Variants in CDH11 observed in about 807,000 individuals in gnomAD.
CDH11 encodes cadherin-11.
A neutral mutation model predicts 67.8 loss-of-function variants in CDH11; 11 were observed. The observed-to-expected ratio is 0.16, with a 90% CI of 0.10 to 0.27. The LOEUF is 0.27. Among genes scored for constraint, CDH11 ranks in the 10% least tolerant of loss-of-function variants. The pLI, the probability that CDH11 is intolerant of heterozygous loss-of-function variation, is 1.00. For missense variants in CDH11, 847 were observed against 1,031.2 expected, an observed-to-expected ratio of 0.82 and a Z score of 2.45; for synonymous variants, 419 against 400.0, an observed-to-expected ratio of 1.05 and a Z score of -0.57.
At chr16:65,060,731 G>A (rs1187765149) in intron 1 of CDH11, among the ~76,000 whole-genome samples, 1 of 151,844 alleles carries the variant, frequency 6.6e-6, no homozygotes, top group Non-Finnish European at 1.5e-5. Context: ...TGAATATAAT[G>A]CACATGATCA....
At chr16:65,102,239 T>C (rs1337523247) in intron 1 of CDH11, among the ~76,000 whole-genome samples, 1 of 152,230 alleles carries the variant, frequency 6.6e-6, no homozygotes, top group African/African-American at 2.4e-5. Context: ...AAAAAATTCA[T>C]GTTGAAAATC....
intron 6 of CDH11, among the ~76,000 whole-genome samples, chr16:64,990,382 C>T (rs1163332608): frequency 6.6e-6 from 1 of 152,102 alleles, no homozygotes; most frequent in East Asian, 1.9e-4. Context: ...ACAGTGCCTT[C>T]CTGGGGCCAC....
Position 64,984,224 on chromosome 16 carries a change from C to A in CDH11, c.1000-1923G>T, listed in dbSNP as rs139059438. Among the ~76,000 whole-genome samples, 911 of 152,240 alleles carry A rather than the reference C, an allele frequency of 6.0e-3. 16 individuals are homozygous for A. The highest frequency in any genetic ancestry group is 0.021 in the African/African-American group (868 of 41,526). Reference sequence around the variant, plus strand: ...GGCAGCCCTTCATTTCCCTCCCCAGCGAGGTGGGGGTTGGAGTGGAATGGA... The same window carrying A: ...GGCAGCCCTTCATTTCCCTCCCCAGAGAGGTGGGGGTTGGAGTGGAATGGA... On this transcript the variant is annotated intron_variant, in intron 7 of 12. Coordinates refer to ENST00000268603, the MANE Select transcript of CDH11 (RefSeq NM_001797.4).
intron 1 of CDH11, among the ~76,000 whole-genome samples, chr16:65,058,064 T>TA (rs199879857): frequency 8.6e-5 from 13 of 151,362 alleles, no homozygotes; most frequent in South Asian, 4.2e-4. Context: ...GCGAAACGTG[T>TA]AAAAAAAAAT....
chr16:65,041,410 A>C (rs1456591443), intron 2 of CDH11, among the ~76,000 whole-genome samples: 1 of 151,682 alleles, frequency 6.6e-6, no homozygotes, highest in Non-Finnish European at 1.5e-5. Context: ...TCTCCATAGT[A>C]TGTGCTGTTA....
intron 2 of CDH11, among the ~76,000 whole-genome samples, chr16:65,039,348 G>A (rs1431510721): frequency 6.6e-6 from 1 of 152,224 alleles, no homozygotes; most frequent in East Asian, 1.9e-4. Flanking sequence ...GCATGGTACT[G>A]GTATCAAAAC....
At chr16:64,998,288 A>C (rs192964907) in intron 4 of CDH11, among the ~76,000 whole-genome samples, 46 of 152,380 alleles carry the variant, frequency 3.0e-4, no homozygotes, top group African/African-American at 1.0e-3. Flanking sequence ...ATTAATTAGC[A>C]CAATGTCTAC....
At chr16:65,101,949 G>C (rs1440062629) in intron 1 of CDH11, among the ~76,000 whole-genome samples, 3 of 152,202 alleles carry the variant, frequency 2.0e-5, no homozygotes, top group Non-Finnish European at 4.4e-5. Context: ...TCCTTAGTCT[G>C]ATGGGTTTTT....
At chr16:65,065,841 TGGATTGGTCTCCTCTACTTTTAACAATA>T (rs2074304452) in intron 1 of CDH11, among the ~76,000 whole-genome samples, 2 of 152,246 alleles carry the variant, frequency 1.3e-5, no homozygotes, top group Non-Finnish European at 2.9e-5. Flanking sequence ...AAGGTCTCCT[TGGATTGGTCTCCTCTACTTTTAACAATA>T]GCCAAGCCTG....
At chr16:65,080,347 T>C (rs567431931) in intron 1 of CDH11, among the ~76,000 whole-genome samples, 25 of 151,676 alleles carry the variant, frequency 1.6e-4, no homozygotes, top group African/African-American at 5.8e-4. Context: ...TTAGAATGGG[T>C]GCTTAGAAGT....
chr16:65,006,403 C>T (rs1168213608), intron 2 of CDH11, among the ~76,000 whole-genome samples: 1 of 152,186 alleles, frequency 6.6e-6, no homozygotes, highest in Non-Finnish European at 1.5e-5. Flanking sequence ...AAGGAAACAG[C>T]ATGAATCTTG....
chr16:65,062,502 G>A lies in CDH11; in HGVS notation c.-297-8574C>T, dbSNP rs1355498254. Among the ~76,000 whole-genome samples, 4 of 152,294 alleles carry A rather than the reference G, an allele frequency of 2.6e-5. No homozygotes were observed. In the East Asian group the frequency reaches 7.7e-4, roughly 29 times the overall value. On this transcript the variant is annotated intron_variant, in intron 1 of 12. Transcript: ENST00000268603. ...AATACAACTGATTTATGATATAATA[G>A]GAGAGAGTTCCCTCTGGGGCCATTA... is the stretch of plus-strand genomic sequence containing the variant.
At chr16:65,084,431 C>G (rs566506625) in intron 1 of CDH11, among the ~76,000 whole-genome samples, 2 of 151,818 alleles carry the variant, frequency 1.3e-5, no homozygotes, top group African/African-American at 4.8e-5. Flanking sequence ...ACTTCAGAAG[C>G]CTGGGTGACA....
At position 65,063,218 on chromosome 16, in the gene CDH11, G is replaced by GCA. The variant is rs370286739; in HGVS notation, c.-297-9292_-297-9291dup. On this transcript the variant is annotated intron_variant, in intron 1 of 12. Transcript: ENST00000268603. ...GTGTGCTTTAGATGTAAATGTGACT[G>GCA]CACACACACACACAAACACAAAACA... 1.2e-4 allele frequency among the ~76,000 whole-genome samples: 18 copies of GCA among 151,918 alleles called. No individual in the cohort carries two copies. In the East Asian group the frequency reaches 2.5e-3, roughly 21 times the overall value.
chr16:65,037,383 A>T (rs1252465870), intron 2 of CDH11, among the ~76,000 whole-genome samples: 1 of 152,130 alleles, frequency 6.6e-6, no homozygotes, highest in Non-Finnish European at 1.5e-5. Flanking sequence ...TCCATCAGTC[A>T]CTGTGAACCT....
chr16:65,106,709 G>A (rs1487900643), intron 1 of CDH11, among the ~76,000 whole-genome samples: 1 of 152,142 alleles, frequency 6.6e-6, no homozygotes, highest in East Asian at 1.9e-4. Context: ...CAAGATAAAT[G>A]TTCTGACATG....
intron 1 of CDH11, among the ~76,000 whole-genome samples, chr16:65,058,648 G>A (rs72792903): frequency 1.8e-3 from 280 of 152,172 alleles, no homozygotes; most frequent in Non-Finnish European, 2.9e-3. Flanking sequence ...AGCATATTTC[G>A]TAAGCTAGGA....
rs192420100 is a variant in CDH11, at chr16:65,043,313, G to T, written c.-173+10491C>A. 2.5e-3 allele frequency among the ~76,000 whole-genome samples: 377 copies of T among 152,278 alleles called. 3 individuals carry two copies. The highest frequency in any genetic ancestry group is 8.4e-3 in the African/African-American group (350 of 41,542). ...AGTTTGTCACAGGTTGGATTATCTG[G>T]GACGCTGACTCTGAGATGGAGTTTA... On this transcript the variant is annotated intron_variant, in intron 2 of 12. Coordinates refer to ENST00000268603, the MANE Select transcript of CDH11 (RefSeq NM_001797.4).
Position 64,947,840 on chromosome 16 carries a change from A to T in CDH11, c.2154T>A (p.Asp718Glu), listed in dbSNP as rs143842835. Residue 718 changes from aspartate (D) to glutamate (E), a missense_variant, in exon 13 of 13, where the codon GAT becomes GAA. Coordinates refer to ENST00000268603, the MANE Select transcript of CDH11 (RefSeq NM_001797.4). ...CCTGTATTCTCGTGTTGATGAAGTC[A>T]TCGACATCCACGCTGTTGGGCGCTG... ...LRPAPNSVDVDDFINTRIQEA... is the reference protein window; with the variant it reads ...LRPAPNSVDVEDFINTRIQEA... 1.2e-6 allele frequency: 2 copies of T among 1,614,186 alleles called. No homozygotes were observed. The highest frequency in any genetic ancestry group is 1.7e-6 in the Non-Finnish European group (2 of 1,180,018).
Sources: gnomAD v4.1 joint callset for allele counts (sites outside exome capture counted in the v4.1 genomes callset) on GRCh38, gnomAD v4.1.1 for gene constraint, MANE v1.5 for transcripts, NCBI Gene and HGNC (gene_info 2026-07-23, HGNC 2026-07-21) for gene names.